RARB: variants seen among roughly 807,000 people sequenced by gnomAD.
RARB encodes the protein retinoic acid receptor beta, also known as HBV-activated protein.
RARB carries 17 observed loss-of-function variants against 51.9 expected under a neutral mutation model. That is an observed-to-expected ratio of 0.33 (90% CI 0.22 to 0.49). The LOEUF (loss-of-function observed/expected upper bound fraction) is 0.49, where lower values mean the gene tolerates loss of function less well. Ranked by LOEUF, RARB falls within the 20% of genes least tolerant of loss-of-function variation. RARB has a pLI of 0.99. For synonymous variants in RARB, 215 were observed against 195.4 expected (o/e 1.10, Z -0.84); for missense variants, 369 against 550.8 (o/e 0.67, Z 3.30).
At chr3:24,939,896 C>G (rs1695624127) in intron 2 of RARB, among the ~76,000 whole-genome samples, 1 of 152,184 alleles carries the variant, frequency 6.6e-6, no homozygotes. Flanking sequence ...GAAGGAAGTT[C>G]TCAATACAAT....
intron 3 of RARB, among the ~76,000 whole-genome samples, chr3:25,094,314 T>A (rs1054393567): frequency 2.6e-5 from 4 of 152,180 alleles, no homozygotes; most frequent in African/African-American, 9.7e-5. Context: ...TATACCCCTA[T>A]CAAATATGCC....
At chr3:24,973,897 C>A (rs1051376123) in intron 2 of RARB, among the ~76,000 whole-genome samples, 1 of 152,048 alleles carries the variant, frequency 6.6e-6, no homozygotes, top group African/African-American at 2.4e-5. Flanking sequence ...CATCTGCATA[C>A]AAGGCTAATT....
chr3:24,882,934 T>C (rs1403636121), intron 2 of RARB, among the ~76,000 whole-genome samples: 2 of 152,174 alleles, frequency 1.3e-5, no homozygotes, highest in Non-Finnish European at 2.9e-5. Context: ...AGGGGGTATA[T>C]GGAAAGGGTT....
At chr3:25,066,604 AACACACACACAC>A (rs5847340) in intron 3 of RARB, among the ~76,000 whole-genome samples, 5 of 146,728 alleles carry the variant, frequency 3.4e-5, no homozygotes, top group Non-Finnish European at 7.6e-5. Context: ...CGCACACATA[AACACACACACAC>A]ACACACACAC....
chr3:25,166,815 C>G (rs1030470982), intron 4 of RARB, among the ~76,000 whole-genome samples: 2 of 152,188 alleles, frequency 1.3e-5, no homozygotes, highest in African/African-American at 2.4e-5. Context: ...TGTCTCCAAG[C>G]TAGGGTCTTC....
intron 5 of RARB, among the ~76,000 whole-genome samples, chr3:25,384,775 T>A (rs570474147): frequency 6.6e-6 from 1 of 152,348 alleles, no homozygotes; most frequent in South Asian, 2.1e-4. Flanking sequence ...AAGAGTATTT[T>A]CAGACAGTCC....
At chr3:25,326,823 C>A (rs1704729969) in intron 5 of RARB, among the ~76,000 whole-genome samples, 1 of 106,836 alleles carries the variant, frequency 9.4e-6, no homozygotes, top group Admixed American at 9.0e-5. Context: ...TAAAAAGACA[C>A]AGGGATTTTT....
chr3:25,508,820 G>T (rs1454318295), intron 3 of RARB, among the ~76,000 whole-genome samples: 2 of 151,598 alleles, frequency 1.3e-5, no homozygotes, highest in African/African-American at 4.9e-5. Context: ...TGTCCTAGAA[G>T]CTGGAAAATA....
intron 5 of RARB, among the ~76,000 whole-genome samples, chr3:25,253,881 T>TC (rs772422660): frequency 2.0e-4 from 30 of 152,154 alleles, no homozygotes; most frequent in Non-Finnish European, 3.8e-4. Context: ...AAACGATAAC[T>TC]TGTGAGAACC....
chr3:25,219,256 C>T (rs1201813948), intron 5 of RARB, among the ~76,000 whole-genome samples: 2 of 110,390 alleles, frequency 1.8e-5, no homozygotes, highest in Non-Finnish European at 4.1e-5. Context: ...AAAGGAATTA[C>T]CTCTAGGTTA....
At chr3:25,283,792 C>G (rs1051918044) in intron 5 of RARB, among the ~76,000 whole-genome samples, 2 of 152,180 alleles carry the variant, frequency 1.3e-5, no homozygotes, top group African/African-American at 4.8e-5. Flanking sequence ...AGGGCCCAGA[C>G]AGGATTACAG....
At chr3:25,146,589 G>C (rs971172188) in intron 4 of RARB, among the ~76,000 whole-genome samples, 11 of 147,464 alleles carry the variant, frequency 7.5e-5, no homozygotes, top group Non-Finnish European at 1.3e-4. Context: ...CTCACTGCAA[G>C]CTCCGCCTCC....
At chr3:25,365,535 G>A (rs1706092433) in intron 5 of RARB, among the ~76,000 whole-genome samples, 1 of 152,056 alleles carries the variant, frequency 6.6e-6, no homozygotes. Flanking sequence ...TGCTCACAGA[G>A]TCTCTGAGTT....
chr3:24,916,596 A>G (rs1381947775), intron 2 of RARB, among the ~76,000 whole-genome samples: 1 of 151,998 alleles, frequency 6.6e-6, no homozygotes, highest in African/African-American at 2.4e-5. Context: ...GCAGAGAGTG[A>G]TGTTTCCCAG....
intron 5 of RARB, among the ~76,000 whole-genome samples, chr3:25,303,008 A>G (rs529407896): frequency 5.1e-4 from 78 of 152,276 alleles, no homozygotes; most frequent in Non-Finnish European, 1.0e-3. Context: ...CTAGACAATA[A>G]TCTGAATGAC....
At chr3:25,073,175 A>C (rs771409954) in intron 3 of RARB, among the ~76,000 whole-genome samples, 54 of 152,188 alleles carry the variant, frequency 3.5e-4, no homozygotes, top group Non-Finnish European at 4.1e-4. Context: ...ATTTGGGAGT[A>C]ATACAAAGGG....
At chr3:25,204,689 A>G (rs141143598) in intron 5 of RARB, among the ~76,000 whole-genome samples, 1 of 151,984 alleles carries the variant, frequency 6.6e-6, no homozygotes, top group Non-Finnish European at 1.5e-5. Flanking sequence ...CTGGAGGTTC[A>G]CTCCAGACCC....
chr3:25,366,890 A>T (rs563799432), intron 5 of RARB, among the ~76,000 whole-genome samples: 2 of 152,268 alleles, frequency 1.3e-5, no homozygotes, highest in East Asian at 3.9e-4. Context: ...AGTGGTGAAC[A>T]TATTGTTAGG....
At chr3:25,518,300 G>T (rs1698261032) in intron 3 of RARB, among the ~76,000 whole-genome samples, 1 of 151,896 alleles carries the variant, frequency 6.6e-6, no homozygotes, top group Non-Finnish European at 1.5e-5. Flanking sequence ...GCTAAAAGGG[G>T]ACAAGTTCAG....
Sources: gnomAD v4.1 joint callset for allele counts (sites outside exome capture counted in the v4.1 genomes callset) on GRCh38, gnomAD v4.1.1 for gene constraint, MANE v1.5 for transcripts, NCBI Gene and HGNC (gene_info 2026-07-23, HGNC 2026-07-21) for gene names.